UNC79: variants seen among roughly 807,000 people sequenced by gnomAD.
UNC79 encodes protein unc-79 homolog.
UNC79 carries 37 observed loss-of-function variants against 283.1 expected under a neutral mutation model. The observed-to-expected ratio is 0.13, with a 90% confidence interval of 0.10 to 0.17. The LOEUF is 0.17. UNC79 is among the 10% of genes least tolerant of loss of function. The pLI, the probability that UNC79 is intolerant of heterozygous loss-of-function variation, is 1.00. For missense variants in UNC79, 2,272 were observed against 3,211.1 expected, an observed-to-expected ratio of 0.71 and a Z score of 7.07; for synonymous variants, 1,107 against 1,200.2, an observed-to-expected ratio of 0.92 and a Z score of 1.61.
At chr14:93,564,065 A>G (rs1206361446) in intron 14 of UNC79, among the ~76,000 whole-genome samples, 1 of 152,208 alleles carries the variant, frequency 6.6e-6, no homozygotes, top group Non-Finnish European at 1.5e-5. Context: ...TTGTTTGGAC[A>G]AAAAGGCTAC....
intron 23 of UNC79, among the ~76,000 whole-genome samples, chr14:93,595,520 G>A (rs755087669): frequency 1.9e-4 from 29 of 151,986 alleles, no homozygotes; most frequent in Non-Finnish European, 1.6e-4. Context: ...CATTTCCTGC[G>A]CTTCTTTCTA....
chr14:93,423,351 G>T (rs2055650305), intron 1 of UNC79, among the ~76,000 whole-genome samples: 1 of 151,952 alleles, frequency 6.6e-6, no homozygotes, highest in African/African-American at 2.4e-5. Context: ...CACAAAAATA[G>T]AAAAAAGCAA....
intron 39 of UNC79, among the ~76,000 whole-genome samples, chr14:93,661,255 G>A (rs1165009762): frequency 6.6e-6 from 1 of 152,070 alleles, no homozygotes; most frequent in African/African-American, 2.4e-5. Context: ...GAATTAAATG[G>A]CACTGAGAAT....
chr14:93,622,155 G>A (rs2067187679), exon 30 of UNC79: 1 of 1,614,108 alleles, frequency 6.2e-7, no homozygotes, highest in Non-Finnish European at 8.5e-7. Context: ...CCCCCTCTCA[G>A]AATAGTCGAG....
chr14:93,563,240 G>A (rs771741982), intron 14 of UNC79, among the ~76,000 whole-genome samples: 1 of 152,182 alleles, frequency 6.6e-6, no homozygotes, highest in African/African-American at 2.4e-5. Context: ...ACAGAAGTTG[G>A]AAAGCTAGCT....
Position 93,474,447 on chromosome 14 carries a change from A to G in UNC79, c.448+54A>G. On this transcript the variant is annotated intron_variant, in intron 3 of 48. Transcript: ENST00000555664. The surrounding 1 kb of genome is among the most constrained non-coding windows in gnomAD (Gnocchi z 4.1). ...TGTACGTGGATGCTTATGAATGTATATGATGCTGAGCAAGGGGCTTGGAGA... is the reference window on the plus strand; with the variant it reads ...TGTACGTGGATGCTTATGAATGTATGTGATGCTGAGCAAGGGGCTTGGAGA... The G allele has an allele frequency of 6.7e-7, 1 of 1,498,960 alleles. No individual in the cohort carries two copies. The highest frequency in any genetic ancestry group is 8.9e-7 in the Non-Finnish European group (1 of 1,124,916). The allele number at this position is 1,498,960 out of a possible 1,614,324, so 92.9% of individuals were successfully genotyped here.
At chr14:93,631,366 A>G (rs1316375448) in intron 31 of UNC79, among the ~76,000 whole-genome samples, 9 of 152,216 alleles carry the variant, frequency 5.9e-5, no homozygotes, top group Non-Finnish European at 1.0e-4. Context: ...TCCCAAAGTC[A>G]TGACTGAATT....
chr14:93,604,927 T>C, intron 26 of UNC79: 1 of 1,587,532 alleles, frequency 6.3e-7, no homozygotes, highest in Non-Finnish European at 8.5e-7. Context: ...AGCAGTCTGC[T>C]CCAGCTCTCG....
At position 93,540,653 on chromosome 14, in the gene UNC79, T is replaced by C; in HGVS notation, c.1353-7T>C. On this transcript the variant is annotated splice_region_variant and splice_polypyrimidine_tract_variant and intron_variant, in intron 12 of 48. Coordinates refer to ENST00000555664, the Ensembl canonical transcript of UNC79. ...GTCTAACTTGAAATCACACTGCTCT[T>C]TGGCAGCTTGTTGAAAGAAGCCGAG... 1 of 1,610,916 alleles carries C rather than the reference T, an allele frequency of 6.2e-7. No homozygotes were observed. Among genetic ancestry groups the C allele is most frequent in the Non-Finnish European group, 8.5e-7 (1 of 1,179,688 alleles).
intron 5 of UNC79, among the ~76,000 whole-genome samples, chr14:93,494,692 G>A (rs111583553): frequency 3.8e-4 from 58 of 152,242 alleles, no homozygotes; most frequent in African/African-American, 1.2e-3. Context: ...AATGTGGAGT[G>A]GTTCTGTGAT....
intron 20 of UNC79, among the ~76,000 whole-genome samples, chr14:93,582,818 G>A (rs1266063345): frequency 1.3e-5 from 2 of 152,120 alleles, no homozygotes; most frequent in Admixed American, 6.5e-5. Context: ...GACGCAATGG[G>A]GGCAGTGAGA....
chr14:93,699,615 T>C (rs1482727501), intron 47 of UNC79, among the ~76,000 whole-genome samples: 2 of 152,202 alleles, frequency 1.3e-5, no homozygotes, highest in African/African-American at 2.4e-5. Context: ...TTATAGTATA[T>C]ATTTTTAATC....
intron 7 of UNC79, among the ~76,000 whole-genome samples, chr14:93,515,322 C>A (rs1173972896): frequency 6.6e-6 from 1 of 150,640 alleles, no homozygotes; most frequent in African/African-American, 2.4e-5. Flanking sequence ...ATTCTCTTAT[C>A]TTCTACTTTA....
chr14:93,664,340 T>C (rs2071930700), intron 40 of UNC79, among the ~76,000 whole-genome samples: 1 of 152,164 alleles, frequency 6.6e-6, no homozygotes, highest in Non-Finnish European at 1.5e-5. Context: ...AAAGGTGATT[T>C]TTAATGTAGA....
At chr14:93,495,159 G>A (rs1032433797) in intron 5 of UNC79, among the ~76,000 whole-genome samples, 4 of 152,178 alleles carry the variant, frequency 2.6e-5, no homozygotes, top group Admixed American at 2.6e-4. Flanking sequence ...GTGTATTGGT[G>A]TATTAGTCCG....
At chr14:93,512,510 G>C (rs1427311085) in intron 7 of UNC79, among the ~76,000 whole-genome samples, 1 of 151,806 alleles carries the variant, frequency 6.6e-6, no homozygotes, top group Non-Finnish European at 1.5e-5. Context: ...CTCATTCTGG[G>C]ACTTTAAAAA....
At chr14:93,704,490 T>C in intron 47 of UNC79, 135 bp from the exon 51 acceptor site, 1 of 985,422 alleles carries the variant, frequency 1.0e-6, no homozygotes, top group Non-Finnish European at 1.6e-6. Flanking sequence ...TGATAACGGG[T>C]AGCCCTGCAG....
At chr14:93,656,494 C>G (rs1350675431) in intron 38 of UNC79, among the ~76,000 whole-genome samples, 2 of 151,776 alleles carry the variant, frequency 1.3e-5, no homozygotes, top group East Asian at 3.9e-4. Context: ...GACTCTGTCT[C>G]TTAAAAAAAA....
intron 1 of UNC79, among the ~76,000 whole-genome samples, chr14:93,350,152 A>T (rs1443986100): frequency 6.6e-6 from 1 of 152,120 alleles, no homozygotes; most frequent in African/African-American, 2.4e-5. Flanking sequence ...CTTGCTTCCT[A>T]GGTTTTCACT....
Sources: gnomAD v4.1 joint callset for allele counts (sites outside exome capture counted in the v4.1 genomes callset) on GRCh38, gnomAD v4.1.1 for gene constraint, Gnocchi (gnomAD v3.1) non-coding constraint, MANE v1.5 for transcripts, NCBI Gene and HGNC (gene_info 2026-07-23, HGNC 2026-07-21) for gene names.